The following IL4R variants were observed in gnomAD, a reference collection of about 807,000 sequenced individuals.
IL4R encodes the protein interleukin 4 receptor, also known as interleukin-4 receptor subunit alpha.
In IL4R, 17 loss-of-function variants were observed where a neutral mutation model predicts 41.5. That is an observed-to-expected ratio of 0.41 (90% CI 0.28 to 0.61). The LOEUF (loss-of-function observed/expected upper bound fraction) is 0.61, where lower values mean the gene tolerates loss of function less well. Among genes scored for constraint, IL4R ranks in the 20% least tolerant of loss-of-function variants. IL4R has a pLI of 0.31. For missense variants in IL4R, 974 were observed against 1,043.1 expected, an observed-to-expected ratio of 0.93 and a Z score of 0.91; for synonymous variants, 402 against 422.9, an observed-to-expected ratio of 0.95 and a Z score of 0.61.
At chr16:27,350,663 A>G (rs762707804) in intron 6 of IL4R, among the ~76,000 whole-genome samples, 1 of 152,226 alleles carries the variant, frequency 6.6e-6, no homozygotes, top group Non-Finnish European at 1.5e-5. Flanking sequence ...AGGGTCAGTC[A>G]TGAATATAGC....
chr16:27,340,451 A>T (rs1290854502), intron 3 of IL4R, among the ~76,000 whole-genome samples, 178 bp downstream of exon 3: 6 of 151,976 alleles, frequency 3.9e-5, no homozygotes, highest in Admixed American at 2.6e-4. Context: ...AGCCGGGTGC[A>T]GTGGCTCACA....
At chr16:27,355,643 G>C (rs944166558) in intron 7 of IL4R, 165 bp from the exon 8 acceptor site, 1 of 577,620 alleles carries the variant, frequency 1.7e-6, no homozygotes, top group Non-Finnish European at 3.1e-6. Flanking sequence ...AGGACTCAAT[G>C]TGCAAGAGGG....
chr16:27,360,879 A>C, intron 10 of IL4R, 64 bp downstream of exon 10: 1 of 1,613,922 alleles, frequency 6.2e-7, no homozygotes, highest in East Asian at 2.2e-5. Flanking sequence ...TGGAGAGGCA[A>C]GCCCCTAGCT....
In IL4R at chr16:27,363,037, G is replaced by A. The variant is rs754446051; in HGVS notation, c.1685G>A (p.Gly562Glu). The A allele has an allele frequency of 4.0e-5, 64 of 1,614,014 alleles. No individual in the cohort carries two copies. The highest frequency in any genetic ancestry group is 8.3e-5 in the Admixed American group (5 of 59,994). The change falls in exon 11 of 11, where the codon GGG becomes GAG. Residue 562 changes from glycine (G) to glutamate (E), a missense_variant. Coordinates refer to ENST00000395762, the MANE Select transcript of IL4R (RefSeq NM_000418.4). ...CTCCGCCGAAATGTCCTCCAGCATG[G>A]GGCAGCTGCAGCCCCCGTCTCGGCC... ...QILRRNVLQHGAAAAPVSAPT... is the reference protein window; with the variant it reads ...QILRRNVLQHEAAAAPVSAPT...
chr16:27,362,922 G>A lies in IL4R; in HGVS notation c.1570G>A (p.Glu524Lys), dbSNP rs1167634551. The A allele has an allele frequency of 3.1e-6, 5 of 1,614,134 alleles. No individual in the cohort carries two copies. Among genetic ancestry groups the A allele is most frequent in the Admixed American group, 1.7e-5 (1 of 60,032 alleles). Reference sequence around the variant, plus strand: ...AGACCCACTGCTGGCCAGACACCTGGAGGAAGTAGAACCCGAGATGCCCTG... The same window carrying A: ...AGACCCACTGCTGGCCAGACACCTGAAGGAAGTAGAACCCGAGATGCCCTG... ...GPDPLLARHL[E>K]EVEPEMPCVP... is the part of the protein sequence containing the mutation. The change falls in exon 11 of 11, where the codon GAG becomes AAG. Residue 524 changes from glutamate (E) to lysine (K), a missense_variant. This residue lies in a region of IL4R where 682 missense variants were observed against 704.3 expected (regional missense o/e 0.97). Transcript: ENST00000395762.
rs2084545889 is a variant in IL4R, at chr16:27,313,981, G to A, written c.-191G>A. On this transcript the variant is annotated 5_prime_UTR_variant, in exon 1 of 11. Coordinates refer to ENST00000395762, the MANE Select transcript of IL4R (RefSeq NM_000418.4). ...GCCACCCAGGGGTCCCCCACTTCCC[G>A]CTTGGGCGCCCGGACGGCGAATGGA... is the stretch of plus-strand genomic sequence containing the variant. 3.0e-6 allele frequency: 3 copies of A among 984,948 alleles called. No homozygotes were observed. In the South Asian group the frequency reaches 1.4e-4, roughly 46 times the overall value. The allele number at this position is 984,948 out of a possible 1,614,324, so 61.0% of individuals were successfully genotyped here. A position where few individuals can be genotyped will look rare whatever the true frequency, so the allele number is the denominator to read the frequency against.
At chr16:27,325,266 C>T (rs528133478) in intron 1 of IL4R, among the ~76,000 whole-genome samples, 1 of 152,222 alleles carries the variant, frequency 6.6e-6, no homozygotes, top group East Asian at 1.9e-4. Flanking sequence ...CTCACCCCGC[C>T]CTCTCATAAG....
intron 2 of IL4R, among the ~76,000 whole-genome samples, chr16:27,335,058 A>T (rs2085221819): frequency 6.6e-6 from 1 of 152,070 alleles, no homozygotes; most frequent in African/African-American, 2.4e-5. Flanking sequence ...AGCAGCGGCC[A>T]GTTCTTGTAT....
chr16:27,362,202 G>T (rs755710228), intron 10 of IL4R, 50 bp from the exon 11 acceptor site: 1 of 1,578,524 alleles, frequency 6.3e-7, no homozygotes, highest in South Asian at 1.2e-5. Flanking sequence ...GAATGAATAG[G>T]AGTTTTTCAA....
chr16:27,313,955 G>A, upstream of IL4R: 11 of 984,690 alleles, frequency 1.1e-5, no homozygotes, highest in Non-Finnish European at 1.3e-5. Flanking sequence ...GCCAGGGAAG[G>A]GCCACCCAGG....
intron 1 of IL4R, among the ~76,000 whole-genome samples, chr16:27,329,496 G>T (rs2085054032): frequency 1.3e-5 from 2 of 151,612 alleles, no homozygotes; most frequent in Admixed American, 1.3e-4. Flanking sequence ...GCCAACATGG[G>T]GAAACCCTGT....
intron 10 of IL4R, chr16:27,361,128 A>C: frequency 1.1e-6 from 1 of 915,826 alleles, no homozygotes; most frequent in South Asian, 2.1e-5. Flanking sequence ...AATAGCCACT[A>C]TCCTGAACAC....
At position 27,352,642 on chromosome 16, in the gene IL4R, C is replaced by G. The variant is rs1279563727; in HGVS notation, c.616C>G (p.Gln206Glu). Residue 206 changes from glutamine to glutamate, a missense_variant, in exon 7 of 11, where the codon CAG (glutamine) becomes GAG (glutamate). This residue lies in a region of IL4R where 284 missense variants were observed against 313.4 expected (regional missense o/e 0.91). Coordinates refer to ENST00000395762, the MANE Select transcript of IL4R (RefSeq NM_000418.4). ...CAGGGCACGGGTGAGGGCCTGGGCT[C>G]AGTGCTATAACACCACCTGGAGTGA... ...SYRARVRAWA[Q>E]CYNTTWSEWS... 1 of 1,614,108 alleles carries G rather than the reference C, an allele frequency of 6.2e-7. No homozygotes were observed. Among genetic ancestry groups the G allele is most frequent in the Non-Finnish European group, 8.5e-7 (1 of 1,180,038 alleles).
intron 1 of IL4R, among the ~76,000 whole-genome samples, chr16:27,329,057 G>A (rs2085040073): frequency 1.3e-5 from 2 of 152,052 alleles, no homozygotes; most frequent in Admixed American, 6.6e-5. Context: ...ATGGGGACGG[G>A]TCCCTCATGG....
chr16:27,333,550 G>C (rs1247774858), intron 2 of IL4R, among the ~76,000 whole-genome samples: 1 of 152,148 alleles, frequency 6.6e-6, no homozygotes, highest in Non-Finnish European at 1.5e-5. Context: ...TCCTTAGCTA[G>C]ACAGTTGGGA....
At chr16:27,320,593 T>G (rs568334228) in intron 1 of IL4R, among the ~76,000 whole-genome samples, 246 of 152,338 alleles carry the variant, frequency 1.6e-3, no homozygotes, top group African/African-American at 5.6e-3. Context: ...GCCTGTGCAT[T>G]TAACCACGGT....
At position 27,340,225 on chromosome 16, in the gene IL4R, C is replaced by T; in HGVS notation, c.22C>T (p.Leu8Phe). 1 of 1,613,942 alleles carries T rather than the reference C, an allele frequency of 6.2e-7. No homozygotes were observed. The highest frequency in any genetic ancestry group is 8.5e-7 in the Non-Finnish European group (1 of 1,179,964). The change falls in exon 3 of 11, where the codon CTC (leucine) becomes TTC (phenylalanine). Residue 8 changes from leucine to phenylalanine, a missense_variant. By Grantham distance (22) the Leu-to-Phe change is conservative. This residue lies in a region of IL4R where 284 missense variants were observed against 313.4 expected (regional missense o/e 0.91). Coordinates refer to ENST00000395762, the MANE Select transcript of IL4R (RefSeq NM_000418.4). ...CCCAATGGGGTGGCTTTGCTCTGGG[C>T]TCCTGTTCCCTGTGAGCTGCCTGGT... MGWLCSG[L>F]LFPVSCLVLL...
intron 1 of IL4R, among the ~76,000 whole-genome samples, chr16:27,328,227 T>TAAAAAAAAAAA (rs2085017560): frequency 8.8e-6 from 1 of 113,458 alleles, no homozygotes; most frequent in African/African-American, 3.2e-5. Context: ...AAAAAAAGAT[T>TAAAAAAAAAAA]GTTGAATTTA....
chr16:27,328,898 A>G (rs985951607), intron 1 of IL4R, among the ~76,000 whole-genome samples: 2 of 152,156 alleles, frequency 1.3e-5, no homozygotes, highest in African/African-American at 4.8e-5. Context: ...CTCTTCATAT[A>G]TTAAGGCCAT....
Sources: gnomAD v4.1 joint callset for allele counts (sites outside exome capture counted in the v4.1 genomes callset) on GRCh38, gnomAD v4.1.1 for gene constraint, gnomAD v4.1.1 regional missense constraint, MANE v1.5 for transcripts, NCBI Gene and HGNC (gene_info 2026-07-23, HGNC 2026-07-21) for gene names.